Variants in ALK observed in about 807,000 individuals in gnomAD.
ALK encodes the protein ALK receptor tyrosine kinase, also known as ALK tyrosine kinase receptor.
ALK carries 74 observed loss-of-function variants against 163.1 expected under a neutral mutation model. That is an observed-to-expected ratio of 0.45 (90% CI 0.38 to 0.55). The LOEUF (loss-of-function observed/expected upper bound fraction) is 0.55, where lower values mean the gene tolerates loss of function less well. Ranked by LOEUF, ALK falls within the 20% of genes least tolerant of loss-of-function variation. The pLI is 0.00. For missense variants in ALK, 2,063 were observed against 2,105.3 expected, an observed-to-expected ratio of 0.98 and a Z score of 0.39; for synonymous variants, 960 against 843.2, an observed-to-expected ratio of 1.14 and a Z score of -2.40.
At chr2:29,268,960 A>C (rs950671402) in intron 11 of ALK, among the ~76,000 whole-genome samples, 2 of 152,232 alleles carry the variant, frequency 1.3e-5, no homozygotes, top group African/African-American at 4.8e-5. Context: ...CCTTGCATCA[A>C]ACCTAAGCGC....
chr2:29,663,851 C>T (rs1018844774), intron 3 of ALK, among the ~76,000 whole-genome samples: 1 of 152,168 alleles, frequency 6.6e-6, no homozygotes, highest in African/African-American at 2.4e-5. Context: ...TATAATGCTT[C>T]TCTCTAGTGT....
At chr2:29,352,936 G>A (rs893891017) in intron 5 of ALK, among the ~76,000 whole-genome samples, 7 of 152,180 alleles carry the variant, frequency 4.6e-5, no homozygotes, top group African/African-American at 1.4e-4. Context: ...ACTAACTTCG[G>A]GAAGAACTCA....
At chr2:29,692,906 C>T (rs751321435) in intron 3 of ALK, among the ~76,000 whole-genome samples, 18 of 152,208 alleles carry the variant, frequency 1.2e-4, no homozygotes, top group Middle Eastern at 3.4e-3. Context: ...TAATATAGTA[C>T]CAAAAGCAAA....
intron 11 of ALK, among the ~76,000 whole-genome samples, chr2:29,256,757 C>G (rs1664958920): frequency 6.6e-6 from 1 of 152,086 alleles, no homozygotes; most frequent in South Asian, 2.1e-4. Context: ...TGAGTGGACC[C>G]TCCATCCCAG....
intron 3 of ALK, among the ~76,000 whole-genome samples, chr2:29,600,438 A>G (rs1233902458): frequency 1.3e-5 from 2 of 152,246 alleles, no homozygotes; most frequent in African/African-American, 4.8e-5. Flanking sequence ...ACACATAGAA[A>G]TTTTGGAAAT....
intron 1 of ALK, among the ~76,000 whole-genome samples, chr2:29,872,038 T>C (rs915711856): frequency 6.6e-6 from 1 of 152,166 alleles, no homozygotes; most frequent in Non-Finnish European, 1.5e-5. Flanking sequence ...ATAGATCTCA[T>C]GGCATGCTGG....
At chr2:29,461,711 G>A (rs1446047642) in intron 4 of ALK, among the ~76,000 whole-genome samples, 2 of 152,124 alleles carry the variant, frequency 1.3e-5, no homozygotes, top group Non-Finnish European at 2.9e-5. Flanking sequence ...AGCTGTATAA[G>A]GAAGTCAATA....
intron 4 of ALK, among the ~76,000 whole-genome samples, chr2:29,519,451 G>A (rs1672756008): frequency 6.6e-6 from 1 of 152,200 alleles, no homozygotes; most frequent in Non-Finnish European, 1.5e-5. Context: ...GCAGTCATGG[G>A]TGAAGGCCAA....
chr2:29,598,365 T>TTTTGTTTGTTTGTTTG (rs10623988), intron 3 of ALK, among the ~76,000 whole-genome samples: 20 of 151,544 alleles, frequency 1.3e-4, no homozygotes, highest in African/African-American at 4.8e-4. Context: ...GTTGTTTGTT[T>TTTTGTTTGTTTGTTTG]TTTGTTTGTT....
At position 29,726,420 on chromosome 2, in the gene ALK, C is replaced by T. The variant is rs532578364; in HGVS notation, c.668-8723G>A. 2.9e-4 allele frequency among the ~76,000 whole-genome samples: 44 copies of T among 152,214 alleles called. 1 individual carries two copies. In the South Asian group the frequency reaches 8.3e-3, roughly 29 times the overall value. On this transcript the variant is annotated intron_variant, in intron 1 of 28. Transcript: ENST00000389048. ...AATAATTAATATACTGAAAGCGATACAAAGACACAAAGACACAAAGACAGG... is the reference window on the plus strand; with the variant it reads ...AATAATTAATATACTGAAAGCGATATAAAGACACAAAGACACAAAGACAGG...
intron 23 of ALK, among the ~76,000 whole-genome samples, chr2:29,216,933 G>GGGTCATGTGTGT (rs1669632791): frequency 2.8e-5 from 4 of 140,918 alleles, no homozygotes; most frequent in Non-Finnish European, 4.6e-5. Context: ...GGTGTGTGGG[G>GGGTCATGTGTGT]GGTGTGTGTG....
chr2:29,321,030 G>T, intron 6 of ALK, 148 bp from the exon 7 acceptor site: 1 of 1,042,936 alleles, frequency 9.6e-7, no homozygotes, highest in Non-Finnish European at 1.5e-6. Context: ...TAATGACACT[G>T]ATTATAATGA....
rs1664027531 is a variant in ALK, at chr2:29,227,162, G to A, written c.2915-88C>T. On this transcript the variant is annotated intron_variant, in intron 17 of 28. Transcript: ENST00000389048. This position sits in a 1 kb window ranked among gnomAD's most constrained non-coding sequence, Gnocchi z 4.4. ...ACTATGTCTCCAGGTGGTCACTGTG[G>A]GTGCTCTGGTGGTCCCTGTTCCTAG... 6.4e-7 allele frequency: 1 copy of A among 1,562,262 alleles called. No homozygotes were observed. The highest frequency in any genetic ancestry group is 1.4e-5 in the African/African-American group (1 of 73,814).
intron 3 of ALK, among the ~76,000 whole-genome samples, chr2:29,559,315 G>C (rs145708161): frequency 2.8e-4 from 43 of 152,320 alleles, no homozygotes; most frequent in Non-Finnish European, 1.2e-4. Flanking sequence ...GAAATTTAGA[G>C]AGCCAAGAGA....
At chr2:29,515,060 T>G (rs1368761009) in intron 4 of ALK, among the ~76,000 whole-genome samples, 1 of 152,192 alleles carries the variant, frequency 6.6e-6, no homozygotes, top group Non-Finnish European at 1.5e-5. Context: ...CAGACTCAGA[T>G]GCATGTTTTC....
chr2:29,714,482 G>A (rs2148304673), intron 2 of ALK, among the ~76,000 whole-genome samples: 1 of 152,132 alleles, frequency 6.6e-6, no homozygotes, highest in South Asian at 2.1e-4. Flanking sequence ...ATAAAACACT[G>A]GAAAAAAGAA....
chr2:29,908,719 T>G (rs147499659), intron 1 of ALK, among the ~76,000 whole-genome samples: 266 of 152,328 alleles, frequency 1.7e-3, no homozygotes, highest in African/African-American at 6.2e-3. Context: ...CTTTTGAGAT[T>G]TGGAGGTACA....
intron 4 of ALK, among the ~76,000 whole-genome samples, chr2:29,492,973 C>T (rs1558348960): frequency 6.6e-6 from 1 of 152,118 alleles, no homozygotes; most frequent in Admixed American, 6.5e-5. Flanking sequence ...AAACCAATCT[C>T]GTTTTCTCTT....
chr2:29,279,917 T>C (rs1665663318), intron 9 of ALK, among the ~76,000 whole-genome samples: 1 of 152,110 alleles, frequency 6.6e-6, no homozygotes, highest in African/African-American at 2.4e-5. Flanking sequence ...ACCATGGGAC[T>C]GAGGGAAAGT....
Sources: allele counts gnomAD v4.1 joint callset (sites outside exome capture counted in the v4.1 genomes callset), GRCh38; gene constraint gnomAD v4.1.1; non-coding constraint Gnocchi (gnomAD v3.1); transcripts MANE v1.5; gene names NCBI Gene and HGNC (gene_info 2026-07-23, HGNC 2026-07-21).